The following SPOCD1 variants were observed in gnomAD, a reference collection of about 807,000 sequenced individuals.
The protein encoded by SPOCD1 is SPOC domain containing 1, also known as SPOC domain-containing protein 1.
In SPOCD1, 64 loss-of-function variants were observed where a neutral mutation model predicts 92.2. The observed-to-expected ratio is 0.69, with a 90% CI of 0.57 to 0.86. The LOEUF (loss-of-function observed/expected upper bound fraction) is 0.86. Ranked by LOEUF, SPOCD1 falls within the 40% of genes least tolerant of loss-of-function variation. SPOCD1 has a pLI of 0.00. For missense variants in SPOCD1, 1,360 were observed against 1,543.1 expected (o/e 0.88, Z 1.99); for synonymous variants, 578 against 619.3 (o/e 0.93, Z 0.99).
rs370713144 is a variant in SPOCD1, at chr1:31,814,281, G to A, written c.1053C>T (p.Ser351=). ...CCTGTGCTGGAGCCTGGCCTTCATC[G>A]CTGCCAGTCCGCACGACACACACAG... ...QEAVCVVRTG[S]DEGQAPAQDQ... The change falls in exon 2 of 16, where the codon AGC becomes AGT. Residue 351 remains serine, a synonymous_variant. Coordinates refer to ENST00000360482, the MANE Select transcript of SPOCD1 (RefSeq NM_144569.7). The surrounding 1 kb of genome is among the most constrained non-coding windows in gnomAD (Gnocchi z 4.2). 33 of 1,577,964 alleles carry A rather than the reference G, an allele frequency of 2.1e-5. No individual in the cohort carries two copies. The highest frequency in any genetic ancestry group is 1.6e-4 in the Admixed American group (9 of 57,054).
chr1:31,800,609 G>A lies in SPOCD1; in HGVS notation c.1434C>T (p.Ser478=), dbSNP rs549852365. The A allele has an allele frequency of 9.7e-5, 156 of 1,604,174 alleles. No individual in the cohort carries two copies. In the East Asian group the frequency reaches 3.0e-3, roughly 31 times the overall value. ...HGVKLVCYLG[S]GPVIQLLGAI... ...CCCCCAGGAGCTGGATCACTGGCCC[G>A]GAACCCAGCTGCGGGGGAGATCGCA... Residue 478 remains serine, a synonymous_variant, in exon 4 of 16, where the codon TCC becomes TCT. Transcript: ENST00000360482.
At chr1:31,805,308 C>T (rs1201639047) in intron 2 of SPOCD1, among the ~76,000 whole-genome samples, 2 of 151,410 alleles carry the variant, frequency 1.3e-5, no homozygotes, top group East Asian at 1.9e-4. Context: ...AAGAGAACCA[C>T]CAAAAAAATA....
Position 31,808,425 on chromosome 1 carries a change from CAT to C in SPOCD1, c.1383+5524_1383+5525del, listed in dbSNP as rs1019422382. On this transcript the variant is annotated intron_variant, in intron 2 of 15. Coordinates refer to ENST00000360482, the MANE Select transcript of SPOCD1 (RefSeq NM_144569.7). ...TATTATCTCAGAAATGGAAAAAACA[CAT>C]GTGATTAAATGCACTGTGCAATAAT... 2.3e-4 allele frequency among the ~76,000 whole-genome samples: 35 copies of C among 150,206 alleles called. 1 individual carries two copies. In the Middle Eastern group the frequency reaches 0.018, roughly 76 times the overall value.
intron 9 of SPOCD1, 41 bp from the exon 10 acceptor site, chr1:31,796,756 G>C: frequency 6.2e-7 from 1 of 1,612,422 alleles, no homozygotes; most frequent in Non-Finnish European, 8.5e-7. Context: ...CAGTTAGGGG[G>C]CCTCTGGCCA....
Position 31,815,017 on chromosome 1 carries a change from G to A in SPOCD1, c.317C>T (p.Ser106Leu), listed in dbSNP as rs372711065. 104 of 1,613,690 alleles carry A rather than the reference G, an allele frequency of 6.4e-5. No individual in the cohort carries two copies. The highest frequency in any genetic ancestry group is 3.3e-4 in the Middle Eastern group (2 of 6,082). The change falls in exon 2 of 16, where the codon TCG (serine) becomes TTG (leucine). Residue 106 changes from serine (S) to leucine (L), a missense_variant. By Grantham distance (145) the Ser-to-Leu change is moderately radical. Transcript: ENST00000360482. ...LAPGLHMQLP[S>L]VPTQGRALTS... is the part of the protein sequence containing the mutation. ...CAGAGCTCTCCCCTGAGTAGGCACC[G>A]AGGGCAGCTGCATGTGGAGCCCAGG... is the stretch of plus-strand genomic sequence containing the variant.
intron 2 of SPOCD1, among the ~76,000 whole-genome samples, chr1:31,812,976 T>G (rs574321500): frequency 6.6e-6 from 1 of 152,244 alleles, no homozygotes; most frequent in African/African-American, 2.4e-5. Context: ...AAGTAGAGTC[T>G]TCTTCTGCCT....
Position 31,790,510 on chromosome 1 carries a change from T to C in SPOCD1, c.*93A>G. Reference sequence around the variant, plus strand: ...TTCAAACAGGGCAGGTGGGTAGGGCTGACCATCCTCTCCTTGCAGTCCCAC... The same window carrying C: ...TTCAAACAGGGCAGGTGGGTAGGGCCGACCATCCTCTCCTTGCAGTCCCAC... On this transcript the variant is annotated 3_prime_UTR_variant, in exon 16 of 16. Transcript: ENST00000360482. 1 of 1,189,918 alleles carries C rather than the reference T, an allele frequency of 8.4e-7. No individual in the cohort carries two copies. Among genetic ancestry groups the C allele is most frequent in the Admixed American group, 2.5e-5 (1 of 39,530 alleles). The allele number at this position is 1,189,918 out of a possible 1,614,324, so 73.7% of individuals were successfully genotyped here. A position where few individuals can be genotyped will look rare whatever the true frequency, so the allele number is the denominator to read the frequency against.
At position 31,814,679 on chromosome 1, in the gene SPOCD1, C is replaced by T. The variant is rs1334377052; in HGVS notation, c.655G>A (p.Glu219Lys). 1.9e-6 allele frequency: 3 copies of T among 1,569,478 alleles called. No homozygotes were observed. The highest frequency in any genetic ancestry group is 1.7e-6 in the Non-Finnish European group (2 of 1,159,504). Reference protein sequence around the residue: ...WRRQGAHSECEEGAGDFLWLD... With the variant: ...WRRQGAHSECKEGAGDFLWLD... ...CACAGGAAGTCACCAGCCCCTTCCT[C>T]ACACTCTGAATGAGCCCCTTGCCTC... Residue 219 changes from glutamate to lysine, a missense_variant, in exon 2 of 16, where the codon GAG (glutamate) becomes AAG (lysine). This residue lies in a region of SPOCD1 where 606 missense variants were observed against 601.5 expected (regional missense o/e 1.01). Transcript: ENST00000360482. This position sits in a 1 kb window ranked among gnomAD's most constrained non-coding sequence, Gnocchi z 4.2.
chr1:31,800,464 C>T lies in SPOCD1; in HGVS notation c.1579G>A (p.Val527Met), dbSNP rs1264748870. The change falls in exon 4 of 16, where the codon GTG becomes ATG. Residue 527 changes from valine (V) to methionine (M), a missense_variant. This residue lies in a region of SPOCD1 where 606 missense variants were observed against 601.5 expected (regional missense o/e 1.01). Transcript: ENST00000360482. ...QRLRRKKRPM[V>M]QGPAGCQVFQ... ...ACCTGGCACCCAGCAGGGCCCTGCACCATGGGCCTTTTCTTCCTTCTGAGC... is the reference window on the plus strand; with the variant it reads ...ACCTGGCACCCAGCAGGGCCCTGCATCATGGGCCTTTTCTTCCTTCTGAGC... 3.7e-6 allele frequency: 6 copies of T among 1,606,238 alleles called. No homozygotes were observed. The highest frequency in any genetic ancestry group is 5.1e-6 in the Non-Finnish European group (6 of 1,176,202).
intron 12 of SPOCD1, 149 bp from the exon 13 acceptor site, chr1:31,793,577 A>C (rs1464295089): frequency 6.7e-7 from 1 of 1,486,348 alleles, no homozygotes; most frequent in Admixed American, 2.0e-5. Context: ...GGCTGCCAGG[A>C]GGCTGGGATG....
rs1465202189 is a variant in SPOCD1, at chr1:31,814,267, G to A, written c.1067C>T (p.Ala356Val). The change falls in exon 2 of 16, where the codon GCT (alanine) becomes GTT (valine). Residue 356 changes from alanine to valine, a missense_variant. This residue lies in a region of SPOCD1 where 606 missense variants were observed against 601.5 expected (regional missense o/e 1.01). Transcript: ENST00000360482. This position sits in a 1 kb window ranked among gnomAD's most constrained non-coding sequence, Gnocchi z 4.2. ...VVRTGSDEGQ[A>V]PAQDQEELEA... ...CAGCTCCTCCTGGTCCTGTGCTGGA[G>A]CCTGGCCTTCATCGCTGCCAGTCCG... is the stretch of plus-strand genomic sequence containing the variant. 6.3e-7 allele frequency: 1 copy of A among 1,582,622 alleles called. No individual in the cohort carries two copies. The highest frequency in any genetic ancestry group is 8.6e-7 in the Non-Finnish European group (1 of 1,162,326).
chr1:31,793,145 C>G lies in SPOCD1; in HGVS notation c.2685+133G>C. On this transcript the variant is annotated intron_variant, in intron 13 of 15. Coordinates refer to ENST00000360482, the MANE Select transcript of SPOCD1 (RefSeq NM_144569.7). ...CCAACATCTCATTTGCCCCCATGCCCTGCACAGGGCCAGGCACAGAAAGGG... is the reference window on the plus strand; with the variant it reads ...CCAACATCTCATTTGCCCCCATGCCGTGCACAGGGCCAGGCACAGAAAGGG... 17 of 1,181,500 alleles carry G rather than the reference C, an allele frequency of 1.4e-5. No homozygotes were observed. The South Asian group carries it at 2.7e-4, about 18-fold the overall frequency. The allele number at this position is 1,181,500 out of a possible 1,614,324, so 73.2% of individuals were successfully genotyped here. A position where few individuals can be genotyped will look rare whatever the true frequency, so the allele number is the denominator to read the frequency against.
chr1:31,800,786 A>G (rs959128799), intron 3 of SPOCD1, among the ~76,000 whole-genome samples, 169 bp from the exon 4 acceptor site: 5 of 152,190 alleles, frequency 3.3e-5, no homozygotes, highest in African/African-American at 9.7e-5. Flanking sequence ...CAATGCTTGG[A>G]AAAGGCCTGG....
In SPOCD1 at chr1:31,792,058, C is replaced by T. The variant is rs574556288; in HGVS notation, c.2962+157G>A. 50 of 750,790 alleles carry T rather than the reference C, an allele frequency of 6.7e-5. 1 individual carries two copies. The highest frequency in any genetic ancestry group is 2.4e-4 in the South Asian group (13 of 53,678). The allele number at this position is 750,790 out of a possible 1,614,324, so 46.5% of individuals were successfully genotyped here. A position where few individuals can be genotyped will look rare whatever the true frequency, so the allele number is the denominator to read the frequency against. On this transcript the variant is annotated intron_variant, in intron 15 of 15. Coordinates refer to ENST00000360482, the MANE Select transcript of SPOCD1 (RefSeq NM_144569.7). ...TGGCATGCAGTTCATGATATCCAAG[C>T]GTGAGCTATTACTGTCATTGTACTC...
At chr1:31,795,771 GC>G (rs1647968100) in intron 10 of SPOCD1, 2 of 152,322 alleles carry the variant, frequency 1.3e-5, no homozygotes, top group South Asian at 2.1e-4. Flanking sequence ...CCTGGTAGGT[GC>G]CCCATAAATA....
Position 31,790,927 on chromosome 1 carries a change from C to G in SPOCD1, c.3327G>C (p.Gly1109=), listed in dbSNP as rs1328526005. 6.3e-7 allele frequency: 1 copy of G among 1,577,568 alleles called. No homozygotes were observed. The highest frequency in any genetic ancestry group is 8.6e-7 in the Non-Finnish European group (1 of 1,163,156). The change falls in exon 16 of 16, where the codon GGG becomes GGC. Residue 1109 remains glycine (G), a synonymous_variant. Coordinates refer to ENST00000360482, the MANE Select transcript of SPOCD1 (RefSeq NM_144569.7). ...GCAAGCCTGGCTCTGGGGGCCACTG[C>G]CCTCGCCCAGGATGCTGCCAGTTTT... ...EPENWQHPGR[G]QWPPEPGLRQ...
intron 2 of SPOCD1, 127 bp downstream of exon 2, chr1:31,813,824 T>C: frequency 1.2e-6 from 1 of 816,658 alleles, no homozygotes; most frequent in East Asian, 2.8e-5. Context: ...CCCAGTTTAG[T>C]TAATAGGGAT....
chr1:31,802,187 G>A (rs1648515259), intron 2 of SPOCD1, among the ~76,000 whole-genome samples: 1 of 152,124 alleles, frequency 6.6e-6, no homozygotes, highest in Non-Finnish European at 1.5e-5. Flanking sequence ...GCCCATCAAA[G>A]GGAAATGGTT....
At position 31,798,188 on chromosome 1, in the gene SPOCD1, G is replaced by A. The variant is rs530420488; in HGVS notation, c.2145+19C>T. Reference sequence around the variant, plus strand: ...GCCCCTACATCCCCTCACCCATCCCGACTGGGCTCAGCACTCACCCTTTTC... The same window carrying A: ...GCCCCTACATCCCCTCACCCATCCCAACTGGGCTCAGCACTCACCCTTTTC... On this transcript the variant is annotated intron_variant, in intron 9 of 15. Transcript: ENST00000360482. The surrounding 1 kb of genome is among the most constrained non-coding windows in gnomAD (Gnocchi z 4.1). 2.0e-5 allele frequency: 32 copies of A among 1,597,136 alleles called. No homozygotes were observed. In the African/African-American group the frequency reaches 2.8e-4, roughly 14 times the overall value.
Sources: gnomAD v4.1 joint callset for allele counts (sites outside exome capture counted in the v4.1 genomes callset) on GRCh38, gnomAD v4.1.1 for gene constraint, gnomAD v4.1.1 regional missense constraint, Gnocchi (gnomAD v3.1) non-coding constraint, MANE v1.5 for transcripts, NCBI Gene and HGNC (gene_info 2026-07-23, HGNC 2026-07-21) for gene names.